The following KDM6A variants were observed in gnomAD, a reference collection of about 807,000 sequenced individuals.
KDM6A encodes the protein lysine-specific demethylase 6A.
A neutral mutation model predicts 117.6 loss-of-function variants in KDM6A; 11 were observed. The observed-to-expected ratio is 0.09, with a 90% CI of 0.06 to 0.15. The LOEUF (loss-of-function observed/expected upper bound fraction) is 0.15. Among genes scored for constraint, KDM6A ranks in the 10% least tolerant of loss-of-function variants. The pLI, the probability that KDM6A is intolerant of heterozygous loss-of-function variation, is 1.00. For missense variants in KDM6A, 799 were observed against 1,077.3 expected (o/e 0.74, Z 3.62); for synonymous variants, 384 against 396.1 (o/e 0.97, Z 0.36).
At chrX:44,987,491 T>G (rs2040299124) in intron 4 of KDM6A, among the ~76,000 whole-genome samples, 1 of 111,869 alleles carries the variant, frequency 8.9e-6, no homozygotes, top group African/African-American at 3.3e-5. Flanking sequence ...TGATGCAGTT[T>G]CTTCCTAGCC....
intron 4 of KDM6A, among the ~76,000 whole-genome samples, chrX:45,008,637 T>A (rs1395535554): frequency 4.5e-5 from 5 of 111,108 alleles, no homozygotes; most frequent in Non-Finnish European, 7.5e-5. Context: ...ATTGCATACT[T>A]CTTGAGAGCA....
chrX:44,894,120 T>A (rs1255534011), intron 2 of KDM6A, among the ~76,000 whole-genome samples: 2 of 111,388 alleles, frequency 1.8e-5, no homozygotes, highest in African/African-American at 6.5e-5. Flanking sequence ...AGAGTATGAG[T>A]ATGCTAGTAT....
At chrX:45,007,791 A>G (rs1203703738) in intron 4 of KDM6A, among the ~76,000 whole-genome samples, 1 of 111,737 alleles carries the variant, frequency 8.9e-6, no homozygotes, top group African/African-American at 3.3e-5. Flanking sequence ...CTGGAGACTG[A>G]CCTAGTTTCA....
At chrX:44,993,118 C>T (rs1426424602) in intron 4 of KDM6A, among the ~76,000 whole-genome samples, 1 of 111,474 alleles carries the variant, frequency 9.0e-6, no homozygotes, top group Non-Finnish European at 1.9e-5. Flanking sequence ...TCAAAACTTG[C>T]AGAAATGGGG....
chrX:44,957,111 C>G (rs1485076992), intron 2 of KDM6A, among the ~76,000 whole-genome samples: 1 of 109,171 alleles, frequency 9.2e-6, no homozygotes, highest in Non-Finnish European at 1.9e-5. Flanking sequence ...GCCTGGGCAA[C>G]AAGAGTGAAA....
intron 4 of KDM6A, among the ~76,000 whole-genome samples, chrX:44,979,426 TC>T (rs1371024114): frequency 1.8e-5 from 2 of 109,482 alleles, no homozygotes; most frequent in African/African-American, 6.7e-5. Flanking sequence ...CTGTTGTTCT[TC>T]CTTATCTTCT....
At chrX:44,976,478 G>T (rs1391973749) in intron 4 of KDM6A, among the ~76,000 whole-genome samples, 2 of 111,122 alleles carry the variant, frequency 1.8e-5, no homozygotes, top group African/African-American at 3.3e-5. Flanking sequence ...AAATGATAAA[G>T]TATTTGTATA....
intron 4 of KDM6A, among the ~76,000 whole-genome samples, chrX:45,007,337 T>C (rs1460096473): frequency 9.0e-6 from 1 of 111,607 alleles, no homozygotes; most frequent in East Asian, 2.8e-4. Context: ...TTCCAGCTTC[T>C]TTTTATTTCC....
At chrX:45,103,447 A>G (rs1400609840) in intron 27 of KDM6A, among the ~76,000 whole-genome samples, 1 of 111,304 alleles carries the variant, frequency 9.0e-6, no homozygotes, top group Non-Finnish European at 1.9e-5. Flanking sequence ...CCTCACCTGA[A>G]GATGATCTCT....
intron 7 of KDM6A, 134 bp downstream of exon 7, chrX:45,035,119 G>A: frequency 1.8e-6 from 1 of 547,646 alleles, no homozygotes; most frequent in Non-Finnish European, 3.1e-6. Flanking sequence ...TGGTTGCCAT[G>A]GCTACTTACA....
intron 2 of KDM6A, among the ~76,000 whole-genome samples, chrX:44,928,302 A>C: frequency 9.1e-6 from 1 of 110,158 alleles, no homozygotes; most frequent in Admixed American, 9.7e-5. Flanking sequence ...AATTAGTAAA[A>C]TAGAGAGGGA....
intron 4 of KDM6A, among the ~76,000 whole-genome samples, chrX:44,992,125 C>A (rs1291973033): frequency 9.2e-6 from 1 of 108,239 alleles, no homozygotes; most frequent in African/African-American, 3.3e-5. Context: ...ATTCTAAATA[C>A]CTTTCTACAA....
chrX:45,065,885 T>G (rs999055802), intron 17 of KDM6A, among the ~76,000 whole-genome samples: 4 of 110,051 alleles, frequency 3.6e-5, no homozygotes, highest in African/African-American at 1.4e-4. Context: ...TGAAGAAAGT[T>G]TCAAGGAGGA....
intron 3 of KDM6A, among the ~76,000 whole-genome samples, chrX:44,968,217 C>T (rs1971935499): frequency 8.9e-6 from 1 of 112,542 alleles, no homozygotes; most frequent in South Asian, 3.6e-4. Flanking sequence ...CCATATTGAA[C>T]ATGGGCCAGC....
intron 25 of KDM6A, 64 bp downstream of exon 25, chrX:45,086,043 T>C: frequency 3.1e-6 from 2 of 648,511 alleles, no homozygotes; most frequent in South Asian, 2.2e-5. Context: ...AAACGACAAC[T>C]TACCAAGCTG....
chrX:45,002,745 A>G (rs1297760728), intron 4 of KDM6A, among the ~76,000 whole-genome samples: 1 of 110,488 alleles, frequency 9.1e-6, no homozygotes, highest in Non-Finnish European at 1.9e-5. Context: ...ATTCTTTGAC[A>G]TACCTCAACT....
chrX:45,049,275 T>A (rs757416302), intron 8 of KDM6A, among the ~76,000 whole-genome samples: 2 of 111,997 alleles, frequency 1.8e-5, no homozygotes, highest in African/African-American at 3.3e-5. Context: ...TCACATTGTT[T>A]TTCACCTTTT....
At chrX:45,015,964 C>T (rs1321403853) in intron 5 of KDM6A, among the ~76,000 whole-genome samples, 1 of 111,303 alleles carries the variant, frequency 9.0e-6, no homozygotes, top group East Asian at 2.8e-4. Flanking sequence ...AGAAAAGAAC[C>T]AGGACAGGTG....
Position 44,997,028 on chromosome X carries a change from C to G in KDM6A, c.385-13933C>G, listed in dbSNP as rs1054933772. On this transcript the variant is annotated intron_variant, in intron 4 of 29. Transcript: ENST00000611820. ...CTAGGGGAGCATACAGACTGGCAGG[C>G]TGTGGGGCTCCCACCCCACGGCAAT... is the stretch of plus-strand genomic sequence containing the variant. 9.0e-5 allele frequency among the ~76,000 whole-genome samples: 10 copies of G among 111,552 alleles called. No homozygotes were observed. The East Asian group carries it at 2.9e-3, about 32-fold the overall frequency.
Sources: allele counts gnomAD v4.1 joint callset (sites outside exome capture counted in the v4.1 genomes callset), GRCh38; gene constraint gnomAD v4.1.1; transcripts MANE v1.5; gene names NCBI Gene and HGNC (gene_info 2026-07-23, HGNC 2026-07-21).